CLSTN2: variants seen among roughly 807,000 people sequenced by gnomAD.
CLSTN2 encodes the protein calsyntenin 2.
Under a neutral mutation model 101.2 loss-of-function variants are expected in CLSTN2, and 48 were observed. That is an observed-to-expected ratio of 0.47 (90% CI 0.38 to 0.60). The LOEUF is 0.60. Among genes scored for constraint, CLSTN2 ranks in the 20% least tolerant of loss-of-function variants. CLSTN2 has a pLI of 0.00. For missense variants in CLSTN2, 1,160 were observed against 1,238.2 expected, an observed-to-expected ratio of 0.94 and a Z score of 0.95; for synonymous variants, 481 against 463.6, an observed-to-expected ratio of 1.04 and a Z score of -0.48.
intron 1 of CLSTN2, among the ~76,000 whole-genome samples, chr3:140,100,865 A>C (rs1477864156): frequency 6.6e-6 from 1 of 152,238 alleles, no homozygotes; most frequent in Non-Finnish European, 1.5e-5. Flanking sequence ...GTGTGAGTAC[A>C]ATCACCCTTC....
At chr3:140,137,933 G>C (rs2009639675) in intron 1 of CLSTN2, among the ~76,000 whole-genome samples, 3 of 152,148 alleles carry the variant, frequency 2.0e-5, no homozygotes, top group Non-Finnish European at 4.4e-5. Flanking sequence ...TATTACAATA[G>C]GACTTTTGTG....
chr3:140,364,138 C>A (rs144951063), intron 2 of CLSTN2, among the ~76,000 whole-genome samples: 1 of 152,122 alleles, frequency 6.6e-6, no homozygotes, highest in South Asian at 2.1e-4. Flanking sequence ...CTTATCCACC[C>A]GCTTCCCAGA....
chr3:140,448,078 T>G (rs1933136067), intron 5 of CLSTN2, among the ~76,000 whole-genome samples: 1 of 152,200 alleles, frequency 6.6e-6, no homozygotes, highest in Non-Finnish European at 1.5e-5. Flanking sequence ...GGGGGTTGCC[T>G]CTGGTGTGTT....
chr3:140,200,389 G>A (rs1314004651), intron 2 of CLSTN2, among the ~76,000 whole-genome samples: 1 of 152,102 alleles, frequency 6.6e-6, no homozygotes, highest in Non-Finnish European at 1.5e-5. Flanking sequence ...TAGACTCCAC[G>A]TAATGACCGC....
At chr3:140,285,824 G>C (rs1417224476) in intron 2 of CLSTN2, among the ~76,000 whole-genome samples, 1 of 152,126 alleles carries the variant, frequency 6.6e-6, no homozygotes, top group African/African-American at 2.4e-5. Flanking sequence ...CAGGACTGGA[G>C]GGGTTTCCAG....
intron 1 of CLSTN2, among the ~76,000 whole-genome samples, chr3:140,174,050 T>C (rs902860622): frequency 6.6e-6 from 1 of 152,234 alleles, no homozygotes; most frequent in East Asian, 1.9e-4. Flanking sequence ...TTTTCTTTTC[T>C]ATCGCATTGT....
At chr3:140,127,208 C>T (rs192685136) in intron 1 of CLSTN2, among the ~76,000 whole-genome samples, 169 of 152,168 alleles carry the variant, frequency 1.1e-3, no homozygotes, top group African/African-American at 3.8e-3. Flanking sequence ...GTGTTACTGA[C>T]AGGCTGCAGA....
intron 5 of CLSTN2, among the ~76,000 whole-genome samples, chr3:140,445,758 C>A (rs1006423254): frequency 4.6e-5 from 7 of 152,202 alleles, no homozygotes; most frequent in South Asian, 2.1e-4. Context: ...TAGATGTCTG[C>A]GGCTGCCCAG....
chr3:140,324,881 A>G (rs1288315018), intron 2 of CLSTN2, among the ~76,000 whole-genome samples: 1 of 152,236 alleles, frequency 6.6e-6, no homozygotes, highest in Non-Finnish European at 1.5e-5. Flanking sequence ...TGATATTGCC[A>G]TGATGGTGAC....
intron 2 of CLSTN2, among the ~76,000 whole-genome samples, chr3:140,180,677 C>T (rs2010394795): frequency 6.6e-6 from 1 of 152,122 alleles, no homozygotes; most frequent in Non-Finnish European, 1.5e-5. Flanking sequence ...CATTTGTCTA[C>T]ATTGGGCCAG....
intron 1 of CLSTN2, among the ~76,000 whole-genome samples, chr3:140,117,070 G>A (rs2009256496): frequency 6.6e-6 from 1 of 152,150 alleles, no homozygotes; most frequent in East Asian, 1.9e-4. Flanking sequence ...GGCCCTGAGT[G>A]CACTGTGGCG....
intron 2 of CLSTN2, among the ~76,000 whole-genome samples, chr3:140,191,335 T>A (rs2010564081): frequency 6.6e-6 from 1 of 152,034 alleles, no homozygotes; most frequent in South Asian, 2.1e-4. Context: ...GAGAATTTTT[T>A]AATCCATATT....
At chr3:140,173,358 G>A (rs2010269104) in intron 1 of CLSTN2, among the ~76,000 whole-genome samples, 1 of 152,216 alleles carries the variant, frequency 6.6e-6, no homozygotes, top group Admixed American at 6.5e-5. Context: ...GTCTCGGGAA[G>A]CTCCACCTCT....
chr3:140,262,002 C>A (rs992043514), intron 2 of CLSTN2, among the ~76,000 whole-genome samples: 3 of 152,110 alleles, frequency 2.0e-5, no homozygotes, highest in African/African-American at 7.2e-5. Flanking sequence ...TAGTATGATG[C>A]CATAAAAAGT....
intron 1 of CLSTN2, among the ~76,000 whole-genome samples, chr3:140,167,386 C>T (rs73868791): frequency 6.6e-6 from 1 of 152,280 alleles, no homozygotes; most frequent in African/African-American, 2.4e-5. Flanking sequence ...TTTACTTTCT[C>T]CAGGAAGTAA....
At chr3:140,254,869 A>G (rs548496061) in intron 2 of CLSTN2, among the ~76,000 whole-genome samples, 72 of 152,262 alleles carry the variant, frequency 4.7e-4, no homozygotes, top group African/African-American at 1.7e-3. Context: ...AAGTAAACAG[A>G]CAACCTACAA....
intron 2 of CLSTN2, among the ~76,000 whole-genome samples, chr3:140,305,023 G>GACACACACACACAC (rs374893786): frequency 3.5e-5 from 5 of 143,166 alleles, no homozygotes; most frequent in South Asian, 2.4e-4. Context: ...CACACACAGA[G>GACACACACACACAC]ACACACACAC....
intron 9 of CLSTN2, among the ~76,000 whole-genome samples, chr3:140,546,297 A>G (rs557869204): frequency 1.3e-5 from 2 of 152,378 alleles, no homozygotes; most frequent in South Asian, 4.1e-4. Flanking sequence ...CAGAAATGCC[A>G]GGATTCCTAA....
intron 2 of CLSTN2, among the ~76,000 whole-genome samples, chr3:140,250,100 T>G (rs948081569): frequency 6.6e-6 from 1 of 152,196 alleles, no homozygotes; most frequent in Non-Finnish European, 1.5e-5. Flanking sequence ...AATAACTTGT[T>G]TTTTGGAGGG....
Sources: allele counts gnomAD v4.1 joint callset (sites outside exome capture counted in the v4.1 genomes callset), GRCh38; gene constraint gnomAD v4.1.1; transcripts MANE v1.5; gene names NCBI Gene and HGNC (gene_info 2026-07-23, HGNC 2026-07-21).